RGS8: variants seen among roughly 807,000 people sequenced by gnomAD.
The protein encoded by RGS8 is regulator of G protein signaling 8, also known as regulator of G-protein signaling 8.
Under a neutral mutation model 21.7 loss-of-function variants are expected in RGS8, and 8 were observed. The ratio of observed to expected loss-of-function variants is 0.37; its 90% confidence interval spans 0.22 to 0.66. The LOEUF (loss-of-function observed/expected upper bound fraction) is 0.66, where lower values mean the gene tolerates loss of function less well. Among genes scored for constraint, RGS8 ranks in the 30% least tolerant of loss-of-function variants. The pLI is 0.59. For missense variants in RGS8, 157 were observed against 217.9 expected, an observed-to-expected ratio of 0.72 and a Z score of 1.76; for synonymous variants, 80 against 83.6, an observed-to-expected ratio of 0.96 and a Z score of 0.24.
chr1:182,644,319 C>A, downstream of RGS8: 1 of 152,418 alleles, frequency 6.6e-6, no homozygotes, highest in Non-Finnish European at 1.5e-5. Flanking sequence ...GTGTACTAGT[C>A]TAATGCTCAC....
At chr1:182,740,709 C>A in the RGS8 span, among the ~76,000 whole-genome samples, 3 of 149,796 alleles carry the variant, frequency 2.0e-5, no homozygotes, top group African/African-American at 7.4e-5. Context: ...CGGCCTTCCG[C>A]AGTGTTTGTG....
At chr1:182,672,765 A>G, upstream of RGS8, 7 of 1,606,386 alleles carry the variant, frequency 4.4e-6, no homozygotes, top group Non-Finnish European at 6.0e-6. Flanking sequence ...CGATCTGCAC[A>G]TGATCCCTAT....
the RGS8 span, among the ~76,000 whole-genome samples, chr1:182,708,771 T>A: frequency 6.6e-6 from 1 of 152,342 alleles, no homozygotes; most frequent in Non-Finnish European, 1.5e-5. Context: ...TCCTGCCCCA[T>A]ACTTGGGAAC....
chr1:182,689,266 C>CACACAG (rs936793121), upstream of RGS8, among the ~76,000 whole-genome samples: 2 of 62,848 alleles, frequency 3.2e-5, no homozygotes, highest in African/African-American at 1.6e-4. Flanking sequence ...CACACACAGA[C>CACACAG]ACACACACAC....
chr1:182,685,015 A>G (rs1282929705), upstream of RGS8, among the ~76,000 whole-genome samples: 4 of 152,058 alleles, frequency 2.6e-5, no homozygotes, highest in African/African-American at 9.7e-5. Flanking sequence ...CTAACCAACA[A>G]GGCCACTTTT....
At chr1:182,743,534 ATAT>A in the RGS8 span, among the ~76,000 whole-genome samples, 5 of 152,168 alleles carry the variant, frequency 3.3e-5, no homozygotes, top group Non-Finnish European at 7.3e-5. Context: ...TAACTCATAG[ATAT>A]TATCATGGTC....
At chr1:182,655,700 A>G (rs574101129) in intron 5 of RGS8, among the ~76,000 whole-genome samples, 2 of 152,300 alleles carry the variant, frequency 1.3e-5, no homozygotes, top group South Asian at 4.1e-4. Context: ...GTTGGATATG[A>G]TGAGCTTTCC....
chr1:182,747,020 A>G, the RGS8 span, among the ~76,000 whole-genome samples: 4 of 130,914 alleles, frequency 3.1e-5, no homozygotes, highest in Admixed American at 9.0e-5. Flanking sequence ...CTGGGACTAC[A>G]GGCACGTGTC....
the RGS8 span, among the ~76,000 whole-genome samples, chr1:182,704,832 CT>C: frequency 6.6e-6 from 1 of 152,168 alleles, no homozygotes; most frequent in Non-Finnish European, 1.5e-5. Flanking sequence ...TCCAGCCAGG[CT>C]TACCCAGGGC....
intron 5 of RGS8, among the ~76,000 whole-genome samples, chr1:182,660,923 T>A (rs1663552097): frequency 6.6e-6 from 1 of 151,806 alleles, no homozygotes; most frequent in Non-Finnish European, 1.5e-5. Context: ...TGGACACCAC[T>A]TGGAGTAATG....
chr1:182,748,166 C>CA, the RGS8 span, among the ~76,000 whole-genome samples: 1 of 152,168 alleles, frequency 6.6e-6, no homozygotes. Context: ...CAATATTTCA[C>CA]CAACTGTAGT....
intron 5 of RGS8, among the ~76,000 whole-genome samples, chr1:182,664,647 G>A: frequency 6.6e-6 from 1 of 152,110 alleles, no homozygotes; most frequent in East Asian, 1.9e-4. Flanking sequence ...TTATACATTT[G>A]TCATTACCTT....
chr1:182,742,879 A>T, the RGS8 span, among the ~76,000 whole-genome samples: 1 of 152,228 alleles, frequency 6.6e-6, no homozygotes, highest in Non-Finnish European at 1.5e-5. Flanking sequence ...GCAGAGATGA[A>T]AATTATCAAA....
At chr1:182,653,371 G>A (rs925799939) in intron 5 of RGS8, among the ~76,000 whole-genome samples, 1 of 151,176 alleles carries the variant, frequency 6.6e-6, no homozygotes, top group Non-Finnish European at 1.5e-5. Flanking sequence ...AACATGAAGC[G>A]AGGAAAGAGA....
chr1:182,669,739 G>A (rs769741225), exon 3 of RGS8: 1 of 1,599,780 alleles, frequency 6.3e-7, no homozygotes, highest in Non-Finnish European at 8.5e-7. Context: ...ATTTACCCTT[G>A]CACGTCCTCT....
the RGS8 span, among the ~76,000 whole-genome samples, chr1:182,691,594 C>T: frequency 2.1e-3 from 203 of 97,040 alleles, no homozygotes; most frequent in African/African-American, 7.1e-3. Flanking sequence ...TAAAATTCAA[C>T]ATCCCTTCAT....
At chr1:182,722,255 C>G in the RGS8 span, among the ~76,000 whole-genome samples, 1 of 144,622 alleles carries the variant, frequency 6.9e-6, no homozygotes, top group Non-Finnish European at 1.5e-5. Context: ...ATTGAGAAGT[C>G]AATGAATGTT....
chr1:182,734,245 A>G, the RGS8 span, among the ~76,000 whole-genome samples: 1 of 152,160 alleles, frequency 6.6e-6, no homozygotes. Context: ...TTGATGTCAG[A>G]TTTGGATAAA....
upstream of RGS8, chr1:182,672,946 G>A (rs148554497): frequency 5.6e-4 from 680 of 1,217,434 alleles, 4 homozygotes; most frequent in African/African-American, 8.5e-3. Flanking sequence ...AGAAGTATCA[G>A]AAATGCAAAT....
Sources: allele counts gnomAD v4.1 joint callset (sites outside exome capture counted in the v4.1 genomes callset), GRCh38; gene constraint gnomAD v4.1.1; transcripts MANE v1.5; gene names NCBI Gene and HGNC (gene_info 2026-07-23, HGNC 2026-07-21).